The following RANBP17 variants were observed in gnomAD, a reference collection of about 807,000 sequenced individuals.
The protein encoded by RANBP17 is ran-binding protein 17.
Under a neutral mutation model 141.2 loss-of-function variants are expected in RANBP17, and 158 were observed. The ratio of observed to expected loss-of-function variants is 1.12; its 90% CI spans 0.98 to 1.28. The LOEUF is 1.28. Ranked by LOEUF, RANBP17 falls within the 50% of genes most tolerant of loss-of-function variation. The probability of loss-of-function intolerance (pLI) is 0.00; values close to 1 mark genes in which losing one functional copy is unlikely to be tolerated. For missense variants in RANBP17, 1,438 were observed against 1,290.7 expected, an observed-to-expected ratio of 1.11 and a Z score of -1.75; for synonymous variants, 430 against 450.0, an observed-to-expected ratio of 0.96 and a Z score of 0.56.
intron 20 of RANBP17, among the ~76,000 whole-genome samples, chr5:171,208,660 C>G (rs1399556614): frequency 1.3e-5 from 2 of 152,144 alleles, no homozygotes; most frequent in Non-Finnish European, 1.5e-5. Context: ...TAACAAGATA[C>G]ATAGAGGAGC....
At chr5:170,982,688 A>T (rs1777857088) in intron 14 of RANBP17, among the ~76,000 whole-genome samples, 2 of 152,294 alleles carry the variant, frequency 1.3e-5, no homozygotes, top group South Asian at 4.1e-4. Context: ...AATACTAGAA[A>T]TTCTCCTGTA....
intron 18 of RANBP17, among the ~76,000 whole-genome samples, chr5:171,185,822 T>C (rs1321300626): frequency 6.6e-6 from 1 of 152,224 alleles, no homozygotes; most frequent in Non-Finnish European, 1.5e-5. Context: ...TAACAAATGT[T>C]CTTAGTGGTA....
At chr5:171,172,575 T>G (rs1224986628) in intron 16 of RANBP17, among the ~76,000 whole-genome samples, 1 of 151,736 alleles carries the variant, frequency 6.6e-6, no homozygotes, top group African/African-American at 2.4e-5. Context: ...ATACTCTTTA[T>G]TTCTAACATA....
At chr5:170,996,275 T>G (rs1209224468) in intron 14 of RANBP17, among the ~76,000 whole-genome samples, 2 of 151,926 alleles carry the variant, frequency 1.3e-5, no homozygotes, top group Non-Finnish European at 2.9e-5. Flanking sequence ...AGGCAATGAA[T>G]GAAAAGATAA....
At chr5:171,146,695 C>T (rs573396688) in intron 14 of RANBP17, among the ~76,000 whole-genome samples, 2 of 152,320 alleles carry the variant, frequency 1.3e-5, no homozygotes, top group East Asian at 3.9e-4. Context: ...GAGCAGGGAA[C>T]TTGGAGCTAT....
intron 21 of RANBP17, among the ~76,000 whole-genome samples, chr5:171,214,786 G>A (rs1763113488): frequency 1.3e-5 from 2 of 151,560 alleles, no homozygotes. Context: ...TTTTTAACCA[G>A]AAAATTAATA....
At chr5:171,099,055 C>T (rs1370473263) in intron 14 of RANBP17, among the ~76,000 whole-genome samples, 2 of 152,144 alleles carry the variant, frequency 1.3e-5, no homozygotes, top group Non-Finnish European at 2.9e-5. Context: ...ATGATGCCTC[C>T]AGCTTTGTTC....
In RANBP17 at chr5:170,989,020, C is replaced by T. The variant is rs138258984; in HGVS notation, c.1710+20643C>T. ...TAAAGTAAGATCATGTGTGAATACA[C>T]GTCAGTAACTTTGGTATTTCAGTAA... On this transcript the variant is annotated intron_variant, in intron 14 of 27. Transcript: ENST00000523189. Among the ~76,000 whole-genome samples the T allele has an allele frequency of 4.6e-5, 7 of 151,852 alleles. No individual in the cohort carries two copies. In the East Asian group the frequency reaches 9.7e-4, roughly 21 times the overall value.
intron 12 of RANBP17, among the ~76,000 whole-genome samples, chr5:170,935,844 C>T (rs1416472852): frequency 6.6e-6 from 1 of 152,158 alleles, no homozygotes; most frequent in Non-Finnish European, 1.5e-5. Flanking sequence ...ACGTTTAAGT[C>T]TGCAGAAGTT....
Position 170,939,363 on chromosome 5 carries a change from A to ATTTATTTG in RANBP17, c.1469-14227_1469-14226insGTTTATTT, listed in dbSNP as rs1554138361. Among the ~76,000 whole-genome samples, 3 of 89,488 alleles carry ATTTATTTG rather than the reference A, an allele frequency of 3.4e-5. No homozygotes were observed. In the East Asian group the frequency reaches 7.5e-4, roughly 22 times the overall value. 58.7% of individuals were successfully genotyped at this position (89,488 alleles called of 152,430 possible). On this transcript the variant is annotated intron_variant, in intron 12 of 27. Coordinates refer to ENST00000523189, the MANE Select transcript of RANBP17 (RefSeq NM_022897.5). Reference sequence around the variant, plus strand: ...TTGGTAAACTCAAAAATTTTATTTTATTTATTTATTTATTTATTTATTTAT... The same window carrying ATTTATTTG: ...TTGGTAAACTCAAAAATTTTATTTTATTTATTTGTTTATTTATTTATTTATTTATTTAT...
chr5:171,165,773 T>C (rs1301495390), intron 14 of RANBP17, among the ~76,000 whole-genome samples: 1 of 152,188 alleles, frequency 6.6e-6, no homozygotes, highest in African/African-American at 2.4e-5. Flanking sequence ...TATTCTATTA[T>C]ATGTTTTGAG....
At position 171,213,676 on chromosome 5, in the gene RANBP17, G is replaced by T. The variant is rs1211044124; in HGVS notation, c.2277G>T (p.Trp759Cys). Residue 759 changes from tryptophan to cysteine, a missense_variant, in exon 21 of 28, where the codon TGG becomes TGT. Transcript: ENST00000523189. ...TTCTTCAGAATGCTGTTGAACGGTG[G>T]TATGGAGAGCCAACATGTACAACTC... Reference protein sequence around the residue: ...LPLLQNAVERWYGEPTCTTPI... With the variant: ...LPLLQNAVERCYGEPTCTTPI... 1.9e-6 allele frequency: 3 copies of T among 1,613,806 alleles called. No homozygotes were observed. The highest frequency in any genetic ancestry group is 2.5e-6 in the Non-Finnish European group (3 of 1,179,788).
chr5:170,885,844 A>G (rs1769094752), intron 3 of RANBP17, among the ~76,000 whole-genome samples: 1 of 148,746 alleles, frequency 6.7e-6, no homozygotes, highest in African/African-American at 2.5e-5. Flanking sequence ...CAAGATCCAT[A>G]TCTTGAAACC....
chr5:171,168,191 G>T (rs1418140378), intron 14 of RANBP17, among the ~76,000 whole-genome samples: 1 of 152,202 alleles, frequency 6.6e-6, no homozygotes, highest in Admixed American at 6.5e-5. Context: ...CATGACAGAG[G>T]AATGGACTGG....
chr5:171,020,692 G>C (rs139313275), intron 14 of RANBP17, among the ~76,000 whole-genome samples: 1 of 151,900 alleles, frequency 6.6e-6, no homozygotes, highest in Non-Finnish European at 1.5e-5. Flanking sequence ...CGGGTCTCCT[G>C]AATACAGCAC....
At position 171,159,931 on chromosome 5, in the gene RANBP17, A is replaced by G. The variant is rs531179235; in HGVS notation, c.1711-10199A>G. Among the ~76,000 whole-genome samples the G allele has an allele frequency of 2.6e-5, 4 of 151,114 alleles. No homozygotes were observed. In the South Asian group the frequency reaches 8.3e-4, roughly 32 times the overall value. The stretch of plus-strand genomic sequence containing the variant: ...AGACTCCATCTCAAAAAAAAAAAAA[A>G]AAAAAAAAAAGAAAAAAGAAGAAAA... On this transcript the variant is annotated intron_variant, in intron 14 of 27. Transcript: ENST00000523189.
intron 14 of RANBP17, among the ~76,000 whole-genome samples, chr5:171,016,772 AT>A (rs1337537022): frequency 6.0e-5 from 9 of 151,160 alleles, no homozygotes; most frequent in Non-Finnish European, 1.0e-4. Flanking sequence ...TATAATATGC[AT>A]TTTTTTATGT....
chr5:170,956,780 G>A lies in RANBP17; in HGVS notation c.1574+3078G>A, dbSNP rs570329742. Among the ~76,000 whole-genome samples the A allele has an allele frequency of 7.4e-5, 11 of 149,614 alleles. No homozygotes were observed. In the South Asian group the frequency reaches 2.2e-3, roughly 31 times the overall value. On this transcript the variant is annotated intron_variant, in intron 13 of 27. Transcript: ENST00000523189. ...TTTTTTAAGTTTAATCATCAAGCAG[G>A]GAAATAAACGACTGGGCGCAGTGGC... is the stretch of plus-strand genomic sequence containing the variant.
chr5:171,088,710 A>G (rs1408698239), intron 14 of RANBP17, among the ~76,000 whole-genome samples: 1 of 151,678 alleles, frequency 6.6e-6, no homozygotes, highest in African/African-American at 2.4e-5. Flanking sequence ...GATTTCGTTC[A>G]TTTCATCTTC....
Sources: allele counts gnomAD v4.1 joint callset (sites outside exome capture counted in the v4.1 genomes callset), GRCh38; gene constraint gnomAD v4.1.1; transcripts MANE v1.5; gene names NCBI Gene and HGNC (gene_info 2026-07-23, HGNC 2026-07-21).